Variants in CDH17 observed in about 807,000 individuals in gnomAD.
The protein encoded by CDH17 is cadherin-17.
A neutral mutation model predicts 86.3 loss-of-function variants in CDH17; 67 were observed. The ratio of observed to expected loss-of-function variants is 0.78; its 90% CI spans 0.64 to 0.95. CDH17 has a LOEUF of 0.95. Among genes scored for constraint, CDH17 ranks in the 40% least tolerant of loss-of-function variants. The pLI is 0.00. For synonymous variants in CDH17, 367 were observed against 366.4 expected (o/e 1.00, Z -0.02); for missense variants, 993 against 1,017.6 (o/e 0.98, Z 0.33).
At chr8:94,212,897 A>G (rs1019186150), upstream of CDH17, among the ~76,000 whole-genome samples, 5 of 152,358 alleles carry the variant, frequency 3.3e-5, no homozygotes, top group African/African-American at 9.6e-5. Context: ...AAGTATTCAC[A>G]TCATCAGTTG....
intron 1 of CDH17, among the ~76,000 whole-genome samples, chr8:94,195,568 G>T (rs143152007): frequency 6.6e-6 from 1 of 152,042 alleles, no homozygotes; most frequent in Non-Finnish European, 1.5e-5. Context: ...TGTCCTTATT[G>T]TCTCCTGTCC....
At chr8:94,215,875 T>TC (rs1238322116) in intron 1 of CDH17, among the ~76,000 whole-genome samples, 3 of 152,014 alleles carry the variant, frequency 2.0e-5, no homozygotes, top group Non-Finnish European at 4.4e-5. Context: ...TTTTTTTTTT[T>TC]TTTTAACTAA....
intron 17 of CDH17, 76 bp downstream of exon 17, chr8:94,130,550 G>T: frequency 1.0e-6 from 1 of 995,730 alleles, no homozygotes; most frequent in Non-Finnish European, 1.5e-6. Flanking sequence ...GACCAGTCCA[G>T]GAAGACAGGC....
chr8:94,147,402 T>G (rs1812764249), intron 14 of CDH17, among the ~76,000 whole-genome samples: 1 of 152,196 alleles, frequency 6.6e-6, no homozygotes, highest in African/African-American at 2.4e-5. Context: ...TTCTTAATCT[T>G]TCCACATGCA....
At chr8:94,133,693 T>C (rs1812464569) in intron 15 of CDH17, among the ~76,000 whole-genome samples, 2 of 152,208 alleles carry the variant, frequency 1.3e-5, no homozygotes, top group African/African-American at 4.8e-5. Flanking sequence ...TCCAACACTG[T>C]GTTGAATAGG....
At chr8:94,170,593 T>A (rs762791607) in intron 8 of CDH17, 46 bp from the exon 9 acceptor site, 2 of 1,589,366 alleles carry the variant, frequency 1.3e-6, no homozygotes, top group Non-Finnish European at 1.7e-6. Context: ...CCCACCACCC[T>A]CTGTCAAAAG....
intron 14 of CDH17, among the ~76,000 whole-genome samples, chr8:94,147,877 A>C (rs1436161027): frequency 1.3e-5 from 2 of 152,212 alleles, no homozygotes; most frequent in Non-Finnish European, 2.9e-5. Context: ...ATTTCGTCAA[A>C]ACACAGATAC....
At chr8:94,194,555 A>C in intron 2 of CDH17, 80 bp downstream of exon 2, 2 of 944,092 alleles carry the variant, frequency 2.1e-6, no homozygotes, top group Non-Finnish European at 3.4e-6. Flanking sequence ...AATAATAGCC[A>C]TTCTTTCCCT....
At position 94,141,651 on chromosome 8, in the gene CDH17, C is replaced by T. The variant is rs543742442; in HGVS notation, c.2167+4277G>A. Reference sequence around the variant, plus strand: ...TTAGAAATTGAAATATTTAAAATATCAAAAATATGAAATGCTTAGGGAAAA... The same window carrying T: ...TTAGAAATTGAAATATTTAAAATATTAAAAATATGAAATGCTTAGGGAAAA... On this transcript the variant is annotated intron_variant, in intron 15 of 17. Transcript: ENST00000027335. 5.3e-5 allele frequency among the ~76,000 whole-genome samples: 8 copies of T among 152,078 alleles called. No individual in the cohort carries two copies. In the South Asian group the frequency reaches 1.7e-3, roughly 32 times the overall value.
intron 15 of CDH17, among the ~76,000 whole-genome samples, chr8:94,144,763 A>G (rs1221840128): frequency 2.0e-5 from 3 of 152,230 alleles, no homozygotes; most frequent in South Asian, 4.1e-4. Flanking sequence ...CAAAAGATAT[A>G]TATCTAACAA....
chr8:94,163,575 G>C (rs34569387), intron 10 of CDH17, among the ~76,000 whole-genome samples: 37,778 of 152,236 alleles, frequency 0.25, 5,844 homozygotes, highest in Non-Finnish European at 0.34. Flanking sequence ...TGCTTACTGT[G>C]CTTCACACCT....
Position 94,148,887 on chromosome 8 carries a change from A to G in CDH17, c.1797-13T>C. 6.3e-7 allele frequency: 1 copy of G among 1,592,560 alleles called. No homozygotes were observed. Among genetic ancestry groups the G allele is most frequent in the Non-Finnish European group, 8.5e-7 (1 of 1,173,854 alleles). On this transcript the variant is annotated splice_polypyrimidine_tract_variant and intron_variant, in intron 13 of 17. Transcript: ENST00000027335. ...CCTCAGTGAATAGCTTCATCAAATG[A>G]AAAGAGCAAAAGAAAGCCTGCATTA... is the stretch of plus-strand genomic sequence containing the variant.
intron 7 of CDH17, among the ~76,000 whole-genome samples, chr8:94,172,087 G>C (rs963469675): frequency 6.7e-6 from 1 of 148,340 alleles, no homozygotes; most frequent in Admixed American, 6.8e-5. Context: ...AGAACACCCA[G>C]AGCATTTTTT....
upstream of CDH17, among the ~76,000 whole-genome samples, chr8:94,210,078 G>T (rs371939363): frequency 6.6e-6 from 1 of 151,860 alleles, no homozygotes; most frequent in African/African-American, 2.4e-5. Context: ...GACAGAAAAT[G>T]GGGACACAGA....
chr8:94,206,028 G>C (rs913476263), intron 1 of CDH17, among the ~76,000 whole-genome samples: 2 of 152,066 alleles, frequency 1.3e-5, no homozygotes, highest in African/African-American at 4.8e-5. Flanking sequence ...ATAAGTATAT[G>C]GTCAAAAATG....
chr8:94,160,148 A>T lies in CDH17; in HGVS notation c.1374T>A (p.Thr458=), dbSNP rs1253383977. ...IFEKSDYGNL[T]LAEDTNIGST... ...ACCCAATGTTTGTGTCTTCAGCAAGAGTCAGGTTTCCATACTAAGGAGAAA... is the reference window on the plus strand; with the variant it reads ...ACCCAATGTTTGTGTCTTCAGCAAGTGTCAGGTTTCCATACTAAGGAGAAA... Residue 458 remains threonine, a synonymous_variant, in exon 12 of 18, where the codon ACT becomes ACA. Coordinates refer to ENST00000027335, the MANE Select transcript of CDH17 (RefSeq NM_004063.4). 2 of 1,612,176 alleles carry T rather than the reference A, an allele frequency of 1.2e-6. No homozygotes were observed. The highest frequency in any genetic ancestry group is 2.2e-5 in the South Asian group (2 of 90,376).
chr8:94,171,938 A>G (rs1358605791), intron 7 of CDH17, among the ~76,000 whole-genome samples: 1 of 150,800 alleles, frequency 6.6e-6, no homozygotes, highest in Non-Finnish European at 1.5e-5. Flanking sequence ...CTTGTGTTCT[A>G]AAAATTCAGT....
At chr8:94,209,371 G>A (rs1476886364), upstream of CDH17, among the ~76,000 whole-genome samples, 1 of 152,118 alleles carries the variant, frequency 6.6e-6, no homozygotes, top group Non-Finnish European at 1.5e-5. Flanking sequence ...TGTTACACTT[G>A]GCCCTGTTTC....
At chr8:94,211,868 GACTCA>G (rs1814127120), upstream of CDH17, among the ~76,000 whole-genome samples, 1 of 152,100 alleles carries the variant, frequency 6.6e-6, no homozygotes, top group South Asian at 2.1e-4. Context: ...TACTTCTTAG[GACTCA>G]ACTCCATTCA....
Sources: allele counts gnomAD v4.1 joint callset (sites outside exome capture counted in the v4.1 genomes callset), GRCh38; gene constraint gnomAD v4.1.1; transcripts MANE v1.5; gene names NCBI Gene and HGNC (gene_info 2026-07-23, HGNC 2026-07-21).